Variants in VTI1A observed in about 807,000 individuals in gnomAD.
The protein encoded by VTI1A is vesicle transport through interaction with t-SNAREs 1A.
A neutral mutation model predicts 34.9 loss-of-function variants in VTI1A; 22 were observed. The ratio of observed to expected loss-of-function variants is 0.63; its 90% confidence interval spans 0.45 to 0.90. VTI1A has a LOEUF of 0.90. Among genes scored for constraint, VTI1A ranks in the 40% least tolerant of loss-of-function variants. The pLI, the probability that VTI1A is intolerant of heterozygous loss-of-function variation, is 0.00. For missense variants in VTI1A, 268 were observed against 275.6 expected (o/e 0.97, Z 0.20); for synonymous variants, 87 against 97.3 (o/e 0.89, Z 0.62).
In VTI1A at chr10:112,464,562, T is replaced by G; in HGVS notation, c.169T>G (p.Leu57Val). Reference sequence around the variant, plus strand: ...CCTCTTCTAGCTTGAACAGATGGATTTGGAAGTCCGAGAGATACCACCCCA... The same window carrying G: ...CCTCTTCTAGCTTGAACAGATGGATGTGGAAGTCCGAGAGATACCACCCCA... The part of the protein sequence containing the change: ...EAKELLEQMD[L>V]EVREIPPQSR... Residue 57 changes from leucine to valine, a missense_variant, in exon 3 of 8, where the codon TTG becomes GTG. Leu to Val is a conservative substitution (Grantham distance 32). Transcript: ENST00000393077. 6.2e-7 allele frequency: 1 copy of G among 1,612,336 alleles called. No homozygotes were observed. Among genetic ancestry groups the G allele is most frequent in the Non-Finnish European group, 8.5e-7 (1 of 1,178,870 alleles).
chr10:112,824,940 T>C, the VTI1A span: 10 of 152,216 alleles, frequency 6.6e-5, 2 homozygotes, highest in Admixed American at 6.5e-4. Context: ...TTGTAGAACC[T>C]TCTAGAAGAC....
intron 3 of VTI1A, among the ~76,000 whole-genome samples, chr10:112,511,711 C>A (rs1323157388): frequency 6.6e-6 from 1 of 152,126 alleles, no homozygotes; most frequent in Non-Finnish European, 1.5e-5. Context: ...ATCCTCCCTC[C>A]TCCTCCTCCT....
chr10:112,776,211 A>C (rs571296475), intron 7 of VTI1A, among the ~76,000 whole-genome samples: 1 of 152,348 alleles, frequency 6.6e-6, no homozygotes, highest in Non-Finnish European at 1.5e-5. Flanking sequence ...TGGGCAGATC[A>C]GTGTGTTCAA....
intron 4 of VTI1A, among the ~76,000 whole-genome samples, chr10:112,531,890 A>G (rs942616979): frequency 2.0e-5 from 3 of 152,162 alleles, no homozygotes; most frequent in Non-Finnish European, 4.4e-5. Context: ...TTTAGCTTAA[A>G]ATTTTGCTTC....
At chr10:112,565,283 C>T (rs1851871993) in intron 5 of VTI1A, among the ~76,000 whole-genome samples, 1 of 151,874 alleles carries the variant, frequency 6.6e-6, no homozygotes. Context: ...GATTACCAAC[C>T]ACAATGTCAT....
chr10:112,684,595 C>A (rs562357791), intron 7 of VTI1A, among the ~76,000 whole-genome samples: 3 of 152,036 alleles, frequency 2.0e-5, no homozygotes, highest in Non-Finnish European at 2.9e-5. Context: ...CGGGCCATCA[C>A]GCCCAGCTAA....
At chr10:112,684,044 A>G (rs1388412454) in intron 7 of VTI1A, among the ~76,000 whole-genome samples, 1 of 149,084 alleles carries the variant, frequency 6.7e-6, no homozygotes, top group African/African-American at 2.4e-5. Context: ...CTCCGTGTCA[A>G]AAAAAAAAAA....
chr10:112,670,658 C>T (rs1847815414), intron 7 of VTI1A, among the ~76,000 whole-genome samples: 1 of 152,142 alleles, frequency 6.6e-6, no homozygotes, highest in Non-Finnish European at 1.5e-5. Context: ...ACTTCTGCAA[C>T]CTTTGACTGG....
At chr10:112,757,304 A>C (rs897903361) in intron 7 of VTI1A, among the ~76,000 whole-genome samples, 1 of 143,068 alleles carries the variant, frequency 7.0e-6, no homozygotes, top group African/African-American at 2.6e-5. Context: ...TTATTCCTGG[A>C]GGAAAAGCTC....
intron 3 of VTI1A, 77 bp downstream of exon 3, chr10:112,464,734 A>G: frequency 7.7e-7 from 1 of 1,297,688 alleles, no homozygotes; most frequent in South Asian, 1.3e-5. Context: ...TCAGCATTAA[A>G]TGCACAGTCT....
chr10:112,477,994 A>G (rs1223250355), intron 3 of VTI1A, among the ~76,000 whole-genome samples: 3 of 152,106 alleles, frequency 2.0e-5, no homozygotes, highest in East Asian at 1.9e-4. Context: ...TTGCAGATTT[A>G]TATTCATTTT....
intron 7 of VTI1A, among the ~76,000 whole-genome samples, chr10:112,793,980 G>T (rs1215812358): frequency 6.6e-6 from 1 of 152,168 alleles, no homozygotes; most frequent in African/African-American, 2.4e-5. Flanking sequence ...TAAAGAAGAT[G>T]AAGTGCCCAC....
At chr10:112,627,817 A>G (rs1224536107) in intron 5 of VTI1A, among the ~76,000 whole-genome samples, 1 of 152,188 alleles carries the variant, frequency 6.6e-6, no homozygotes, top group Non-Finnish European at 1.5e-5. Flanking sequence ...CAGGCAATAT[A>G]TCAATAAAAA....
chr10:112,482,916 C>A (rs1477586167), intron 3 of VTI1A, among the ~76,000 whole-genome samples: 1 of 152,176 alleles, frequency 6.6e-6, no homozygotes, highest in East Asian at 1.9e-4. Flanking sequence ...TCAAGGTATT[C>A]TGTCTTTTGA....
At chr10:112,639,317 CT>C (rs1437381549) in intron 5 of VTI1A, among the ~76,000 whole-genome samples, 13 of 152,128 alleles carry the variant, frequency 8.5e-5, no homozygotes, top group Non-Finnish European at 1.5e-4. Context: ...AAATACTGAG[CT>C]TTTAGACGTA....
rs917037493 is a variant in VTI1A at position 112,587,915 on chromosome 10, T to C, written c.427+49585T>C. On this transcript the variant is annotated intron_variant, in intron 5 of 7. Transcript: ENST00000393077. ...GCAGTACTTTATTCAAGAGAAGTGG[T>C]TTTTTTTTTTTACCCTTAACTTATG... 3.5e-5 allele frequency among the ~76,000 whole-genome samples: 5 copies of C among 144,738 alleles called. No homozygotes were observed. The East Asian group carries it at 9.9e-4, about 29-fold the overall frequency. The allele number at this position is 144,738 out of a possible 152,430, so 95.0% of individuals were successfully genotyped here. A position where few individuals can be genotyped will look rare whatever the true frequency, so the allele number is the denominator to read the frequency against.
At chr10:112,757,280 G>A (rs1317827179) in intron 7 of VTI1A, among the ~76,000 whole-genome samples, 1 of 146,906 alleles carries the variant, frequency 6.8e-6, no homozygotes, top group Non-Finnish European at 1.5e-5. Context: ...CACACAACTT[G>A]CCCATTTTCC....
intron 7 of VTI1A, among the ~76,000 whole-genome samples, chr10:112,777,372 A>C (rs4918769): frequency 0.67 from 101,104 of 151,934 alleles, 33,961 homozygotes; most frequent in Non-Finnish European, 0.71. Flanking sequence ...GACCTTATGC[A>C]CACAATACAA....
chr10:112,788,101 A>T (rs1190277838), intron 7 of VTI1A, among the ~76,000 whole-genome samples: 1 of 151,846 alleles, frequency 6.6e-6, no homozygotes, highest in East Asian at 1.9e-4. Flanking sequence ...TTATTTAATA[A>T]TAAATTATTG....
Sources: allele counts gnomAD v4.1 joint callset (sites outside exome capture counted in the v4.1 genomes callset), GRCh38; gene constraint gnomAD v4.1.1; transcripts MANE v1.5; gene names NCBI Gene and HGNC (gene_info 2026-07-23, HGNC 2026-07-21).